EEA1: variants seen among roughly 807,000 people sequenced by gnomAD.
EEA1 encodes early endosome antigen 1, 162kD.
In EEA1, 111 loss-of-function variants were observed where a neutral mutation model predicts 209.2. That is an observed-to-expected ratio of 0.53 (90% CI 0.45 to 0.62). EEA1 has a LOEUF of 0.62. EEA1 is among the 20% of genes least tolerant of loss of function. EEA1 has a pLI of 0.00. For missense variants in EEA1, 1,343 were observed against 1,530.8 expected (o/e 0.88, Z 2.05); for synonymous variants, 536 against 540.6 (o/e 0.99, Z 0.12).
At chr12:92,846,927 GAA>G (rs529188045) in intron 9 of EEA1, among the ~76,000 whole-genome samples, 148 of 152,150 alleles carry the variant, frequency 9.7e-4, no homozygotes, top group Admixed American at 2.4e-3. Flanking sequence ...AATTTTGTTT[GAA>G]ATAAATGTTT....
intron 1 of EEA1, among the ~76,000 whole-genome samples, chr12:92,926,737 C>CT (rs1319957344): frequency 6.6e-6 from 1 of 152,172 alleles, no homozygotes; most frequent in African/African-American, 2.4e-5. Context: ...CTACCTGCGC[C>CT]TTTTATGACT....
chr12:92,870,002 C>G (rs970304776), intron 2 of EEA1, among the ~76,000 whole-genome samples: 7 of 152,052 alleles, frequency 4.6e-5, no homozygotes, highest in African/African-American at 1.7e-4. Flanking sequence ...TTTTCTCCAC[C>G]ACAGTTAAAA....
intron 1 of EEA1, among the ~76,000 whole-genome samples, chr12:92,894,637 C>G (rs1879792091): frequency 6.6e-6 from 1 of 152,114 alleles, no homozygotes; most frequent in Non-Finnish European, 1.5e-5. Flanking sequence ...TTCAATTGTA[C>G]GAAGGCTGAC....
chr12:92,897,487 G>C (rs1879937154), intron 1 of EEA1, among the ~76,000 whole-genome samples: 1 of 152,124 alleles, frequency 6.6e-6, no homozygotes, highest in Non-Finnish European at 1.5e-5. Flanking sequence ...GAAACGTCTA[G>C]GGGGTATTTG....
intron 2 of EEA1, among the ~76,000 whole-genome samples, chr12:92,875,688 C>T (rs764774076): frequency 1.8e-4 from 28 of 152,126 alleles, no homozygotes; most frequent in Non-Finnish European, 3.8e-4. Context: ...TTAAAATTAT[C>T]CGATAGCTTT....
chr12:92,802,882 C>A, intron 18 of EEA1, 148 bp from the exon 19 acceptor site: 2 of 605,214 alleles, frequency 3.3e-6, no homozygotes, highest in Non-Finnish European at 5.3e-6. Context: ...TAAAATCGCA[C>A]CACTGAAAAA....
chr12:92,854,706 C>T (rs966201502), intron 5 of EEA1, among the ~76,000 whole-genome samples: 10 of 152,188 alleles, frequency 6.6e-5, no homozygotes, highest in Non-Finnish European at 1.3e-4. Context: ...GCAGCCAACA[C>T]CTACATCTCC....
In EEA1 at chr12:92,901,243, G is replaced by A. The variant is rs530171602; in HGVS notation, c.25-9522C>T. Reference sequence around the variant, plus strand: ...CTTTTTTTTATTTTTGTAAAGATGAGGTCTCTGTATGTTGCCTAGGCTCAT... The same window carrying A: ...CTTTTTTTTATTTTTGTAAAGATGAAGTCTCTGTATGTTGCCTAGGCTCAT... On this transcript the variant is annotated intron_variant, in intron 1 of 28. Transcript: ENST00000322349. Among the ~76,000 whole-genome samples the A allele has an allele frequency of 2.0e-5, 3 of 151,954 alleles. No individual in the cohort carries two copies. The East Asian group carries it at 5.8e-4, about 29-fold the overall frequency.
chr12:92,911,903 G>A (rs187209089), intron 1 of EEA1, among the ~76,000 whole-genome samples: 138 of 152,312 alleles, frequency 9.1e-4, no homozygotes, highest in African/African-American at 3.3e-3. Context: ...AGTAGCTAGT[G>A]TACCAACTCT....
At chr12:92,816,647 AATTT>A (rs1875799361) in intron 14 of EEA1, among the ~76,000 whole-genome samples, 1 of 152,304 alleles carries the variant, frequency 6.6e-6, no homozygotes, top group South Asian at 2.1e-4. Context: ...AAATTCATTC[AATTT>A]AAGTTGTACA....
intron 3 of EEA1, among the ~76,000 whole-genome samples, chr12:92,864,317 C>A (rs1444283937): frequency 6.6e-6 from 1 of 152,018 alleles, no homozygotes; most frequent in Non-Finnish European, 1.5e-5. Flanking sequence ...GACAAGAGTT[C>A]TCTCCAATAG....
intron 21 of EEA1, among the ~76,000 whole-genome samples, chr12:92,795,683 G>C (rs1421603793): frequency 6.6e-6 from 1 of 152,188 alleles, no homozygotes; most frequent in Non-Finnish European, 1.5e-5. Context: ...GGAGCAGAGA[G>C]CTGATCTCCC....
intron 5 of EEA1, among the ~76,000 whole-genome samples, chr12:92,854,914 C>A (rs1877800082): frequency 6.6e-6 from 1 of 152,206 alleles, no homozygotes; most frequent in South Asian, 2.1e-4. Context: ...TATACCTCAT[C>A]TATTGATATT....
At chr12:92,874,100 C>A (rs1174194885) in intron 2 of EEA1, among the ~76,000 whole-genome samples, 2 of 151,952 alleles carry the variant, frequency 1.3e-5, no homozygotes, top group African/African-American at 4.8e-5. Context: ...ATCGCTTGAG[C>A]CTAGGAATTT....
chr12:92,832,882 T>C, intron 10 of EEA1, 32 bp from the exon 11 acceptor site: 1 of 1,480,804 alleles, frequency 6.8e-7, no homozygotes, highest in South Asian at 1.3e-5. Context: ...TTATTTCCTT[T>C]TCTAATATTT....
At position 92,929,142 on chromosome 12, in the gene EEA1, G is replaced by A. The variant is rs1031732777; in HGVS notation, c.-76C>T. The A allele has an allele frequency of 1.4e-5, 20 of 1,459,986 alleles. No individual in the cohort carries two copies. The highest frequency in any genetic ancestry group is 1.2e-4 in the South Asian group (10 of 80,356). 90.4% of individuals were successfully genotyped at this position (1,459,986 alleles called of 1,614,324 possible). On this transcript the variant is annotated 5_prime_UTR_variant, in exon 1 of 29. Coordinates refer to ENST00000322349, the MANE Select transcript of EEA1 (RefSeq NM_003566.4). Reference sequence around the variant, plus strand: ...GGGCCACTCACTACTCGGGGTGCGCGGGCGGGAGGGACTGGGCCGGGAGGG... The same window carrying A: ...GGGCCACTCACTACTCGGGGTGCGCAGGCGGGAGGGACTGGGCCGGGAGGG...
intron 3 of EEA1, among the ~76,000 whole-genome samples, chr12:92,861,033 T>C (rs1161573503): frequency 6.6e-6 from 1 of 152,188 alleles, no homozygotes; most frequent in African/African-American, 2.4e-5. Flanking sequence ...TGACATGCTC[T>C]TTCCTGTCTC....
At chr12:92,908,381 TACA>T (rs1880458318) in intron 1 of EEA1, among the ~76,000 whole-genome samples, 2 of 152,198 alleles carry the variant, frequency 1.3e-5, no homozygotes, top group Non-Finnish European at 2.9e-5. Context: ...GTAATGATTG[TACA>T]ACAACGTGAA....
rs1351935638 is a variant in EEA1, at chr12:92,816,334, G to A, written c.1795C>T (p.His599Tyr). 1 of 1,614,014 alleles carries A rather than the reference G, an allele frequency of 6.2e-7. No individual in the cohort carries two copies. The highest frequency in any genetic ancestry group is 1.1e-5 in the South Asian group (1 of 91,086). The change falls in exon 15 of 29, where the codon CAT (histidine) becomes TAT (tyrosine). Residue 599 changes from histidine (H) to tyrosine (Y), a missense_variant. By Grantham distance (83) the His-to-Tyr change is moderately conservative. Coordinates refer to ENST00000322349, the MANE Select transcript of EEA1 (RefSeq NM_003566.4). ...ESHKQAQENL[H>Y]DQVQEQKAHL... The stretch of plus-strand genomic sequence containing the variant: ...GCCTTCTGCTCTTGTACCTGGTCAT[G>A]CAAATTCTCCTGGGCTTGTTTATGA...
Sources: allele counts gnomAD v4.1 joint callset (sites outside exome capture counted in the v4.1 genomes callset), GRCh38; gene constraint gnomAD v4.1.1; transcripts MANE v1.5; gene names NCBI Gene and HGNC (gene_info 2026-07-23, HGNC 2026-07-21).